RASA3: variants seen among roughly 807,000 people sequenced by gnomAD.
RASA3 encodes the protein RAS p21 protein activator 3, also known as ras GTPase-activating protein 3.
Under a neutral mutation model 110.0 loss-of-function variants are expected in RASA3, and 73 were observed. The ratio of observed to expected loss-of-function variants is 0.66; its 90% CI spans 0.55 to 0.81. The LOEUF (loss-of-function observed/expected upper bound fraction) is 0.81. Among genes scored for constraint, RASA3 ranks in the 30% least tolerant of loss-of-function variants. The probability of loss-of-function intolerance (pLI) is 0.00; values close to 1 mark genes in which losing one functional copy is unlikely to be tolerated. For synonymous variants in RASA3, 500 were observed against 451.4 expected (o/e 1.11, Z -1.37); for missense variants, 976 against 1,113.2 (o/e 0.88, Z 1.75).
chr13:114,061,394 T>C (rs1216243273), intron 2 of RASA3, among the ~76,000 whole-genome samples: 2 of 152,172 alleles, frequency 1.3e-5, no homozygotes, highest in African/African-American at 2.4e-5. Context: ...AGAACGGCTC[T>C]TTAAGGGTGA....
chr13:114,002,239 G>A lies in RASA3; in HGVS notation c.1743-1307C>T, dbSNP rs531083320. ...AGCGCACTCAGAAATCGGAAAGAGG[G>A]GCTTTGAGCAGCAACACAGCCAGAT... On this transcript the variant is annotated intron_variant, in intron 18 of 23. Transcript: ENST00000334062. Among the ~76,000 whole-genome samples, 10 of 152,364 alleles carry A rather than the reference G, an allele frequency of 6.6e-5. No individual in the cohort carries two copies. In the South Asian group the frequency reaches 1.0e-3, roughly 16 times the overall value.
intron 1 of RASA3, among the ~76,000 whole-genome samples, chr13:114,076,802 C>T (rs1291714104): frequency 1.3e-5 from 2 of 152,128 alleles, no homozygotes; most frequent in Non-Finnish European, 2.9e-5. Flanking sequence ...GCCTCCCGGC[C>T]CTGTTTTGGA....
At chr13:114,009,361 C>T (rs747484964) in intron 17 of RASA3, 26 bp downstream of exon 17, 13 of 1,570,320 alleles carry the variant, frequency 8.3e-6, no homozygotes, top group Middle Eastern at 1.7e-4. Flanking sequence ...GGCACACGGG[C>T]GGTCGGAGGG....
chr13:114,067,295 G>A (rs937135082), intron 2 of RASA3, among the ~76,000 whole-genome samples: 7 of 152,242 alleles, frequency 4.6e-5, no homozygotes, highest in Non-Finnish European at 1.0e-4. Context: ...GTACTCTGGG[G>A]CTGAGGATGG....
At chr13:114,091,744 C>G (rs1003269673) in intron 1 of RASA3, among the ~76,000 whole-genome samples, 8 of 151,674 alleles carry the variant, frequency 5.3e-5, no homozygotes, top group African/African-American at 1.9e-4. Context: ...TGGAAGTATC[C>G]CCTTCTCTCC....
At chr13:114,076,184 G>A (rs547016316) in intron 1 of RASA3, among the ~76,000 whole-genome samples, 7 of 152,352 alleles carry the variant, frequency 4.6e-5, no homozygotes, top group East Asian at 1.9e-4. Flanking sequence ...AGCAGCTCTC[G>A]AAGGCTCCTC....
At chr13:113,980,236 G>A (rs1462568397) in intron 23 of RASA3, among the ~76,000 whole-genome samples, 5 of 135,928 alleles carry the variant, frequency 3.7e-5, no homozygotes, top group African/African-American at 5.8e-5. Context: ...TGCTGTGTGC[G>A]CCTCCTCCAT....
rs1353170328 is a variant in RASA3, at chr13:114,017,181, TG to T, written c.1206+55del. 4 of 1,496,032 alleles carry T rather than the reference TG, an allele frequency of 2.7e-6. No homozygotes were observed. In the South Asian group the frequency reaches 3.4e-5, roughly 13 times the overall value. 92.7% of individuals were successfully genotyped at this position (1,496,032 alleles called of 1,614,324 possible). A position where few individuals can be genotyped will look rare whatever the true frequency, so the allele number is the denominator to read the frequency against. On this transcript the variant is annotated intron_variant, in intron 12 of 23. Coordinates refer to ENST00000334062, the MANE Select transcript of RASA3 (RefSeq NM_007368.4). ...TGGATCCCAGTGCAGTGCCCTCTGTTGGGGGAAATCCTCCCCACGCCTCGTG... is the reference window on the plus strand; with the variant it reads ...TGGATCCCAGTGCAGTGCCCTCTGTTGGGGAAATCCTCCCCACGCCTCGTG...
intron 2 of RASA3, among the ~76,000 whole-genome samples, chr13:114,063,177 G>A (rs1212354246): frequency 1.3e-5 from 2 of 151,944 alleles, no homozygotes; most frequent in Non-Finnish European, 2.9e-5. Flanking sequence ...CCTCAATAAA[G>A]CTATTTTTAA....
At chr13:114,100,252 T>C (rs1015550007) in intron 1 of RASA3, among the ~76,000 whole-genome samples, 2 of 152,062 alleles carry the variant, frequency 1.3e-5, no homozygotes, top group Middle Eastern at 3.4e-3. Flanking sequence ...GATGCCTCTG[T>C]GCCAGCACCA....
intron 4 of RASA3, among the ~76,000 whole-genome samples, chr13:114,034,462 G>A (rs2054242777): frequency 6.6e-6 from 1 of 152,208 alleles, no homozygotes; most frequent in Admixed American, 6.5e-5. Context: ...CGGCCCCCGT[G>A]TGCTCTCCCG....
At chr13:114,100,884 C>G (rs572344408) in intron 1 of RASA3, among the ~76,000 whole-genome samples, 3 of 152,344 alleles carry the variant, frequency 2.0e-5, no homozygotes, top group African/African-American at 7.2e-5. Flanking sequence ...TGCGGGGCCT[C>G]AACTGCTACT....
chr13:114,122,268 C>T (rs1324341974), intron 1 of RASA3, among the ~76,000 whole-genome samples: 2 of 152,226 alleles, frequency 1.3e-5, no homozygotes, highest in Non-Finnish European at 2.9e-5. Flanking sequence ...TCTGGAATTC[C>T]CCAGAAAAGC....
chr13:113,980,588 A>G (rs2052911244), intron 23 of RASA3, among the ~76,000 whole-genome samples: 1 of 152,268 alleles, frequency 6.6e-6, no homozygotes, highest in African/African-American at 2.4e-5. Context: ...TTTGGCCATG[A>G]GGTTGATGGA....
intron 5 of RASA3, among the ~76,000 whole-genome samples, chr13:114,028,800 G>A (rs372485315): frequency 1.3e-4 from 8 of 60,088 alleles, no homozygotes; most frequent in Admixed American, 3.8e-4. Flanking sequence ...CTAAAACGGC[G>A]TCATCCTGGG....
chr13:113,996,855 G>C, intron 20 of RASA3, 116 bp from the exon 21 acceptor site: 2 of 910,834 alleles, frequency 2.2e-6, no homozygotes, highest in South Asian at 3.1e-5. Context: ...GACGCTGAGG[G>C]TGCACAGGCC....
Position 113,980,335 on chromosome 13 carries a change from CAT to C in RASA3, c.2430-915_2430-914del, listed in dbSNP as rs369762537. On this transcript the variant is annotated intron_variant, in intron 23 of 23. Coordinates refer to ENST00000334062, the MANE Select transcript of RASA3 (RefSeq NM_007368.4). ...CCTCCTCCGTCTGTGCCTTCTCCCA[CAT>C]GTGTGCACCTCCTGCCATGTGTGTG... 9.7e-3 allele frequency among the ~76,000 whole-genome samples: 1,418 copies of C among 146,718 alleles called. 26 individuals carry two copies. Among genetic ancestry groups the C allele is most frequent in the African/African-American group, 0.033 (1,290 of 38,584 alleles).
Position 113,981,758 on chromosome 13 carries a change from T to C in RASA3, c.2346A>G (p.Gln782=). 3 of 1,614,122 alleles carry C rather than the reference T, an allele frequency of 1.9e-6. No individual in the cohort carries two copies. Among genetic ancestry groups the C allele is most frequent in the Non-Finnish European group, 2.5e-6 (3 of 1,179,986 alleles). ...CCAAAGCCCCAACCCCAGCGATGAC[T>C]TGCTTTAGCGTCTTGTAGGTCTCCT... is the stretch of plus-strand genomic sequence containing the variant. ...DPQETYKTLK[Q]VIAGVGALEQ... is the part of the protein sequence containing the mutation. The change falls in exon 23 of 24, where the codon CAA becomes CAG. Residue 782 remains glutamine (Q), a synonymous_variant. Transcript: ENST00000334062.
chr13:114,124,126 T>C (rs375757386), intron 1 of RASA3, among the ~76,000 whole-genome samples: 1 of 152,166 alleles, frequency 6.6e-6, no homozygotes, highest in African/African-American at 2.4e-5. Flanking sequence ...CTGCAGCCGT[T>C]ACTGGCTGTG....
Sources: gnomAD v4.1 joint callset for allele counts (sites outside exome capture counted in the v4.1 genomes callset) on GRCh38, gnomAD v4.1.1 for gene constraint, MANE v1.5 for transcripts, NCBI Gene and HGNC (gene_info 2026-07-23, HGNC 2026-07-21) for gene names.